The following DSCAM variants were observed in gnomAD, a reference collection of about 807,000 sequenced individuals.
DSCAM encodes DS cell adhesion molecule.
Under a neutral mutation model 217.7 loss-of-function variants are expected in DSCAM, and 47 were observed. That is an observed-to-expected ratio of 0.22 (90% CI 0.17 to 0.28). The LOEUF (loss-of-function observed/expected upper bound fraction) is 0.28, where lower values mean the gene tolerates loss of function less well. DSCAM is among the 10% of genes least tolerant of loss of function. The pLI, the probability that DSCAM is intolerant of heterozygous loss-of-function variation, is 1.00. For missense variants in DSCAM, 2,080 were observed against 2,618.3 expected (o/e 0.79, Z 4.49); for synonymous variants, 1,056 against 1,015.3 (o/e 1.04, Z -0.76).
At chr21:40,224,198 T>C (rs541172018) in intron 11 of DSCAM, among the ~76,000 whole-genome samples, 1 of 152,358 alleles carries the variant, frequency 6.6e-6, no homozygotes, top group Admixed American at 6.5e-5. Flanking sequence ...CAAAGCAGTA[T>C]AATCTTTCAT....
intron 5 of DSCAM, among the ~76,000 whole-genome samples, chr21:40,352,579 T>C (rs888562654): frequency 1.3e-5 from 2 of 151,082 alleles, no homozygotes. Flanking sequence ...TAGGGCTGGG[T>C]GGGGAGGAGG....
intron 1 of DSCAM, among the ~76,000 whole-genome samples, chr21:40,786,082 C>G (rs1274407147): frequency 6.6e-6 from 1 of 152,020 alleles, no homozygotes; most frequent in African/African-American, 2.4e-5. Context: ...ACCAAAAATA[C>G]AAAATTAGCC....
At chr21:40,566,432 G>A (rs535096885) in intron 3 of DSCAM, among the ~76,000 whole-genome samples, 1 of 152,176 alleles carries the variant, frequency 6.6e-6, no homozygotes, top group Non-Finnish European at 1.5e-5. Context: ...CACCTAAGTA[G>A]TTTAAGACTC....
chr21:40,366,881 A>T (rs2074838529), intron 4 of DSCAM, among the ~76,000 whole-genome samples: 1 of 152,070 alleles, frequency 6.6e-6, no homozygotes. Flanking sequence ...TTTACATTCT[A>T]AGGCTGTGCG....
chr21:40,296,831 CAAA>C (rs58219836), intron 9 of DSCAM, among the ~76,000 whole-genome samples: 5,138 of 53,544 alleles, frequency 0.096, 87 homozygotes, highest in East Asian at 0.21. Flanking sequence ...AACTCCATCT[CAAA>C]AAAAAAAAAA....
intron 11 of DSCAM, among the ~76,000 whole-genome samples, chr21:40,203,122 G>A (rs74979477): frequency 0.016 from 2,499 of 152,228 alleles, 69 homozygotes; most frequent in African/African-American, 0.056. Context: ...AGAGAGGAGC[G>A]GAGCCAGAAT....
At chr21:40,789,131 T>C (rs1428315312) in intron 1 of DSCAM, among the ~76,000 whole-genome samples, 1 of 152,092 alleles carries the variant, frequency 6.6e-6, no homozygotes, top group Non-Finnish European at 1.5e-5. Flanking sequence ...GAATATTGCA[T>C]ACTCACCTGT....
intron 3 of DSCAM, among the ~76,000 whole-genome samples, chr21:40,631,120 T>C (rs371072630): frequency 6.6e-6 from 1 of 152,198 alleles, no homozygotes; most frequent in East Asian, 1.9e-4. Flanking sequence ...CCTTCTGTGC[T>C]TACACATTTT....
intron 3 of DSCAM, among the ~76,000 whole-genome samples, chr21:40,403,028 A>G (rs1051264744): frequency 6.6e-6 from 1 of 151,986 alleles, no homozygotes; most frequent in Non-Finnish European, 1.5e-5. Context: ...CTATTTCCCA[A>G]TATCCTTCAC....
rs142672085 is a variant in DSCAM, at chr21:40,313,701, C to T, written c.1784-1342G>A. ...GGTCTTAGAACTAGTTAACTATTCT[C>T]GGAGGGCTTAAATCATGTCAATATA... is the stretch of plus-strand genomic sequence containing the variant. On this transcript the variant is annotated intron_variant, in intron 8 of 32. Coordinates refer to ENST00000400454, the MANE Select transcript of DSCAM (RefSeq NM_001389.5). 3.8e-3 allele frequency among the ~76,000 whole-genome samples: 585 copies of T among 152,116 alleles called. 9 individuals are homozygous for T. The highest frequency in any genetic ancestry group is 0.013 in the African/African-American group (535 of 41,494).
At chr21:40,485,517 C>G (rs1015882080) in intron 3 of DSCAM, among the ~76,000 whole-genome samples, 1 of 151,914 alleles carries the variant, frequency 6.6e-6, no homozygotes, top group Non-Finnish European at 1.5e-5. Context: ...GCTGGGATTA[C>G]AGGCGTGAGC....
chr21:40,059,662 G>C (rs557150542), intron 28 of DSCAM, among the ~76,000 whole-genome samples: 5 of 152,332 alleles, frequency 3.3e-5, no homozygotes, highest in African/African-American at 1.2e-4. Flanking sequence ...AGAATGTGGA[G>C]TGATAAAGCT....
At chr21:40,128,699 C>CAAAAAAAAA (rs527919207) in intron 19 of DSCAM, among the ~76,000 whole-genome samples, 1 of 89,048 alleles carries the variant, frequency 1.1e-5, no homozygotes. Context: ...CATAACCAAA[C>CAAAAAAAAA]AAAAAAAAAA....
At chr21:40,159,159 A>C (rs2090511463) in intron 16 of DSCAM, among the ~76,000 whole-genome samples, 1 of 152,164 alleles carries the variant, frequency 6.6e-6, no homozygotes, top group African/African-American at 2.4e-5. Context: ...AACTAATGTC[A>C]TGTTTCTTCC....
chr21:40,394,668 T>C (rs1012251271), intron 3 of DSCAM, among the ~76,000 whole-genome samples: 11 of 152,138 alleles, frequency 7.2e-5, no homozygotes, highest in Admixed American at 6.5e-4. Context: ...AGTGAGAAAA[T>C]TCTTCCTAGC....
At chr21:40,684,181 C>T (rs781347940) in intron 3 of DSCAM, among the ~76,000 whole-genome samples, 3 of 151,440 alleles carry the variant, frequency 2.0e-5, no homozygotes, top group African/African-American at 7.3e-5. Context: ...GCCGAGATCG[C>T]GTCACTGCAC....
intron 20 of DSCAM, among the ~76,000 whole-genome samples, chr21:40,104,707 T>A (rs528488922): frequency 4.6e-5 from 7 of 152,146 alleles, no homozygotes; most frequent in African/African-American, 1.7e-4. Context: ...CACTGGCTAA[T>A]AATGATGTGT....
intron 31 of DSCAM, 139 bp from the exon 32 acceptor site, chr21:40,042,812 G>C (rs1300922595): frequency 2.4e-6 from 2 of 820,448 alleles, no homozygotes; most frequent in Non-Finnish European, 3.7e-6. Flanking sequence ...CTTGGCGGAG[G>C]CTCCTGCCTT....
chr21:40,683,889 G>A (rs761093181), intron 3 of DSCAM, among the ~76,000 whole-genome samples: 3 of 152,064 alleles, frequency 2.0e-5, no homozygotes, highest in Non-Finnish European at 4.4e-5. Context: ...CTATACAGAC[G>A]CGGGCGCAAA....
Sources: gnomAD v4.1 joint callset for allele counts (sites outside exome capture counted in the v4.1 genomes callset) on GRCh38, gnomAD v4.1.1 for gene constraint, MANE v1.5 for transcripts, NCBI Gene and HGNC (gene_info 2026-07-23, HGNC 2026-07-21) for gene names.